TNNI3K: variants seen among roughly 807,000 people sequenced by gnomAD.
TNNI3K encodes serine/threonine-protein kinase TNNI3K.
TNNI3K carries 140 observed loss-of-function variants against 114.5 expected under a neutral mutation model. That is an observed-to-expected ratio of 1.22 (90% confidence interval 1.07 to 1.41). The LOEUF is 1.41. Ranked by LOEUF, TNNI3K falls within the 40% of genes most tolerant of loss-of-function variation. The pLI, the probability that TNNI3K is intolerant of heterozygous loss-of-function variation, is 0.00. For synonymous variants in TNNI3K, 347 were observed against 347.5 expected, an observed-to-expected ratio of 1.00 and a Z score of 0.02; for missense variants, 1,125 against 1,007.6, an observed-to-expected ratio of 1.12 and a Z score of -1.58.
chr1:74,235,474 C>A lies in TNNI3K; in HGVS notation c.23C>A (p.Pro8Gln), dbSNP rs756332135. The A allele has an allele frequency of 2.6e-6, 4 of 1,510,934 alleles. No individual in the cohort carries two copies. The highest frequency in any genetic ancestry group is 3.6e-6 in the Non-Finnish European group (4 of 1,102,670). The allele number at this position is 1,510,934 out of a possible 1,614,324, so 93.6% of individuals were successfully genotyped here. Residue 8 changes from proline to glutamine, a missense_variant, in exon 1 of 25, where the codon CCA (proline) becomes CAA (glutamine). Coordinates refer to ENST00000326637, the MANE Select transcript of TNNI3K (RefSeq NM_015978.3). MGNYKSR[P>Q]TQTCTDEWKK... ...TAAATGGGAAATTATAAATCTAGAC[C>A]AACCCAAACTTGTACTGGTAATTAT...
At chr1:74,244,714 C>T (rs1221296782) in intron 2 of TNNI3K, among the ~76,000 whole-genome samples, 2 of 150,530 alleles carry the variant, frequency 1.3e-5, no homozygotes, top group African/African-American at 4.9e-5. Flanking sequence ...CTCTTGAAAA[C>T]AACCTGAAGT....
chr1:74,413,701 G>T (rs1664992462), intron 17 of TNNI3K, among the ~76,000 whole-genome samples: 1 of 152,154 alleles, frequency 6.6e-6, no homozygotes, highest in South Asian at 2.1e-4. Context: ...TACGATTATA[G>T]TAGTATTCTA....
chr1:74,470,276 AAG>A (rs944726628), intron 21 of TNNI3K: 4 of 400,626 alleles, frequency 1.0e-5, no homozygotes, highest in Non-Finnish European at 1.8e-5. Context: ...CCATTTTCCC[AAG>A]TTTGCTGCCT....
chr1:74,455,447 G>T (rs745851772), intron 20 of TNNI3K, among the ~76,000 whole-genome samples: 2 of 152,162 alleles, frequency 1.3e-5, no homozygotes, highest in Non-Finnish European at 2.9e-5. Flanking sequence ...ACCAGATGTT[G>T]AAAGTCCTTG....
chr1:74,375,012 G>C (rs1393253048), intron 17 of TNNI3K: 1 of 151,874 alleles, frequency 6.6e-6, no homozygotes, highest in East Asian at 1.9e-4. Context: ...CTTCTATAAA[G>C]ATATAGTATT....
rs199921700 is a variant in TNNI3K at position 74,499,685 on chromosome 1, C to CA, written c.2351+7426dup. ...TTTATACTCAGCTTGTATTTCCCAC[C>CA]AAAAAAATGAGATTTTGATTATAGA... On this transcript the variant is annotated intron_variant, in intron 23 of 24. Coordinates refer to ENST00000326637, the MANE Select transcript of TNNI3K (RefSeq NM_015978.3). Among the ~76,000 whole-genome samples, 924 of 151,884 alleles carry CA rather than the reference C, an allele frequency of 6.1e-3. 14 individuals carry two copies. The highest frequency in any genetic ancestry group is 0.02 in the African/African-American group (845 of 41,452).
chr1:74,523,223 T>C (rs1002679055), intron 23 of TNNI3K, among the ~76,000 whole-genome samples: 1 of 152,208 alleles, frequency 6.6e-6, no homozygotes, highest in Non-Finnish European at 1.5e-5. Flanking sequence ...TAAGGAATTG[T>C]ATGTGAAATA....
intron 23 of TNNI3K, among the ~76,000 whole-genome samples, chr1:74,534,696 T>A (rs938940292): frequency 6.6e-6 from 1 of 151,914 alleles, no homozygotes. Flanking sequence ...ATCTCCTCTA[T>A]CTTGTAAGCA....
At chr1:74,529,478 TAAAG>T (rs1408112393) in intron 23 of TNNI3K, among the ~76,000 whole-genome samples, 1 of 152,114 alleles carries the variant, frequency 6.6e-6, no homozygotes, top group Non-Finnish European at 1.5e-5. Context: ...AGAAAGAAAA[TAAAG>T]AAACATGACA....
chr1:74,415,699 CT>C (rs1354779337), intron 17 of TNNI3K, among the ~76,000 whole-genome samples: 1 of 148,900 alleles, frequency 6.7e-6, no homozygotes, highest in Non-Finnish European at 1.5e-5. Flanking sequence ...TTGATATTTT[CT>C]TTTTTATATC....
intron 17 of TNNI3K, among the ~76,000 whole-genome samples, chr1:74,422,254 G>A (rs181993654): frequency 6.6e-6 from 1 of 151,916 alleles, no homozygotes; most frequent in Admixed American, 6.6e-5. Context: ...TTATCACTCT[G>A]TGAGGAATAT....
chr1:74,423,904 A>G (rs973757674), intron 17 of TNNI3K, among the ~76,000 whole-genome samples: 1 of 152,178 alleles, frequency 6.6e-6, no homozygotes, highest in South Asian at 2.1e-4. Flanking sequence ...AATACTTATC[A>G]TTATAATTAC....
rs368200461 is a variant in TNNI3K, at chr1:74,314,689, T to G, written c.445-16761T>G. On this transcript the variant is annotated intron_variant, in intron 5 of 24. Coordinates refer to ENST00000326637, the MANE Select transcript of TNNI3K (RefSeq NM_015978.3). ...TAAATATTCCTGAAAATGTTCTTAA[T>G]AGAGAAGTGATCAAAGTCATAATAA... is the stretch of plus-strand genomic sequence containing the variant. Among the ~76,000 whole-genome samples, 35 of 152,248 alleles carry G rather than the reference T, an allele frequency of 2.3e-4. No individual in the cohort carries two copies. In the East Asian group the frequency reaches 6.6e-3, roughly 29 times the overall value.
intron 2 of TNNI3K, among the ~76,000 whole-genome samples, chr1:74,243,326 T>G (rs192088269): frequency 5.9e-5 from 9 of 152,298 alleles, no homozygotes; most frequent in Non-Finnish European, 4.4e-5. Flanking sequence ...ATAGTCTGCT[T>G]CTATTGTTTG....
At chr1:74,499,909 G>A (rs779140700) in intron 23 of TNNI3K, among the ~76,000 whole-genome samples, 4 of 151,912 alleles carry the variant, frequency 2.6e-5, no homozygotes, top group East Asian at 1.9e-4. Flanking sequence ...TGCTGAAATC[G>A]TTTGGACTAA....
At chr1:74,380,673 A>G (rs933194292) in intron 17 of TNNI3K, among the ~76,000 whole-genome samples, 9 of 152,138 alleles carry the variant, frequency 5.9e-5, no homozygotes, top group African/African-American at 1.7e-4. Flanking sequence ...GAAAATGTCA[A>G]CAAAAGCTTT....
At position 74,278,385 on chromosome 1, in the gene TNNI3K, A is replaced by G. The variant is rs546548261; in HGVS notation, c.444+6677A>G. 5.4e-4 allele frequency among the ~76,000 whole-genome samples: 82 copies of G among 152,290 alleles called. 1 individual carries two copies. Among genetic ancestry groups the G allele is most frequent in the African/African-American group, 1.7e-3 (71 of 41,568 alleles). ...TGCTGTACTGCTTCTCTCCTGATCCAAACAGTAACCTCTCAGCTCACCTGA... is the reference window on the plus strand; with the variant it reads ...TGCTGTACTGCTTCTCTCCTGATCCGAACAGTAACCTCTCAGCTCACCTGA... On this transcript the variant is annotated intron_variant, in intron 5 of 24. Transcript: ENST00000326637.
At chr1:74,478,489 G>T (rs552130652) in intron 21 of TNNI3K, among the ~76,000 whole-genome samples, 1 of 152,118 alleles carries the variant, frequency 6.6e-6, no homozygotes, top group Admixed American at 6.6e-5. Context: ...GTAACTAAAA[G>T]ATACTAAAAA....
At position 74,353,127 on chromosome 1, in the gene TNNI3K, A is replaced by T. The variant is rs983079528; in HGVS notation, c.933-139A>T. 10 of 886,948 alleles carry T rather than the reference A, an allele frequency of 1.1e-5. No individual in the cohort carries two copies. In the African/African-American group the frequency reaches 1.7e-4, roughly 15 times the overall value. The allele number at this position is 886,948 out of a possible 1,614,324, so 54.9% of individuals were successfully genotyped here. A position where few individuals can be genotyped will look rare whatever the true frequency, so the allele number is the denominator to read the frequency against. ...TCTTAAGTACCTCTTTAAAGATACA[A>T]TCCCTAAATACAGTCTCATTGTCAG... On this transcript the variant is annotated intron_variant, in intron 9 of 24. Transcript: ENST00000326637.
Sources: gnomAD v4.1 joint callset for allele counts (sites outside exome capture counted in the v4.1 genomes callset) on GRCh38, gnomAD v4.1.1 for gene constraint, MANE v1.5 for transcripts, NCBI Gene and HGNC (gene_info 2026-07-23, HGNC 2026-07-21) for gene names.